ZBTB10: variants seen among roughly 807,000 people sequenced by gnomAD.
ZBTB10 encodes the protein zinc finger and BTB domain containing 10.
A neutral mutation model predicts 76.4 loss-of-function variants in ZBTB10; 32 were observed. That is an observed-to-expected ratio of 0.42 (90% CI 0.32 to 0.56). The LOEUF (loss-of-function observed/expected upper bound fraction) is 0.56, where lower values mean the gene tolerates loss of function less well. Ranked by LOEUF, ZBTB10 falls within the 20% of genes least tolerant of loss-of-function variation. The pLI is 0.14. For synonymous variants in ZBTB10, 523 were observed against 432.9 expected (o/e 1.21, Z -2.58); for missense variants, 1,057 against 1,098.5 (o/e 0.96, Z 0.53).
intron 1 of ZBTB10, among the ~76,000 whole-genome samples, chr8:80,497,370 T>G (rs905497262): frequency 6.6e-6 from 1 of 152,054 alleles, no homozygotes; most frequent in Admixed American, 6.6e-5. Context: ...TGAATGGACT[T>G]GTTTTGATTC....
intron 2 of ZBTB10, 81 bp downstream of exon 2, chr8:80,500,463 A>T: frequency 7.5e-7 from 1 of 1,328,712 alleles, no homozygotes; most frequent in South Asian, 1.8e-5. Context: ...TTTTTAATTG[A>T]ATTATTTTAG....
chr8:80,491,017 A>T (rs1022587706), intron 1 of ZBTB10, among the ~76,000 whole-genome samples: 22 of 152,198 alleles, frequency 1.4e-4, no homozygotes, highest in Non-Finnish European at 5.9e-5. Flanking sequence ...CAGCCTGACC[A>T]ACATGGTGAG....
chr8:80,487,874 C>T (rs1201728246), intron 1 of ZBTB10, 92 bp downstream of exon 1: 5 of 1,394,314 alleles, frequency 3.6e-6, no homozygotes, highest in Non-Finnish European at 4.8e-6. Flanking sequence ...GAAAAAAAAC[C>T]TCAAAACCAT....
chr8:80,522,151 G>A lies in ZBTB10; in HGVS notation c.*2623G>A, dbSNP rs1439377381. 3 of 151,556 alleles carry A rather than the reference G, an allele frequency of 2.0e-5. No homozygotes were observed. The highest frequency in any genetic ancestry group is 4.4e-5 in the Non-Finnish European group (3 of 67,746). The allele number at this position is 151,556 out of a possible 1,614,324, so 9.4% of individuals were successfully genotyped here. On this transcript the variant is annotated 3_prime_UTR_variant, in exon 6 of 6. Transcript: ENST00000455036. ...TTTAAAAAAATAGTTTTAGTACTAA[G>A]GTATACTACTGGACATTTCTATTTT...
intron 2 of ZBTB10, among the ~76,000 whole-genome samples, chr8:80,512,530 G>A (rs1383038376): frequency 1.3e-5 from 2 of 152,134 alleles, no homozygotes; most frequent in Admixed American, 6.5e-5. Flanking sequence ...GGGCAACATA[G>A]TGAGACCCTG....
Position 80,486,783 on chromosome 8 carries a change from C to G in ZBTB10, c.-28C>G, listed in dbSNP as rs1815472843. On this transcript the variant is annotated 5_prime_UTR_variant, in exon 1 of 6. Transcript: ENST00000455036. ...CCGAGGCCGTGCGCGAGCCGGGGCA[C>G]CGGGCGGCGGCGGCGGCGGCGCGCG... 9 of 1,370,874 alleles carry G rather than the reference C, an allele frequency of 6.6e-6. 1 individual carries two copies. In the East Asian group the frequency reaches 2.9e-4, roughly 44 times the overall value. The allele number at this position is 1,370,874 out of a possible 1,614,324, so 84.9% of individuals were successfully genotyped here.
Position 80,487,638 on chromosome 8 carries a change from A to G in ZBTB10, c.828A>G (p.Gln276=), listed in dbSNP as rs778696880. The G allele has an allele frequency of 8.1e-6, 13 of 1,613,906 alleles. No homozygotes were observed. The highest frequency in any genetic ancestry group is 5.5e-5 in the South Asian group (5 of 91,076). The change falls in exon 1 of 6, where the codon CAA becomes CAG. Residue 276 remains glutamine (Q), a synonymous_variant. Transcript: ENST00000455036. Reference sequence around the variant, plus strand: ...GTCTTATGTCTTGCGGCTGGTGCCAAAAGACCCCTGCAGATGGGGGAAGCG... The same window carrying G: ...GTCTTATGTCTTGCGGCTGGTGCCAGAAGACCCCTGCAGATGGGGGAAGCG... ...DTGLMSCGWC[Q]KTPADGGSVD...
Position 80,486,944 on chromosome 8 carries a change from GACAGCCCCC to G in ZBTB10, c.135_143del (p.Gln46_Pro48del). The G allele has an allele frequency of 6.6e-7, 1 of 1,514,112 alleles. No homozygotes were observed. Among genetic ancestry groups the G allele is most frequent in the Non-Finnish European group, 8.8e-7 (1 of 1,135,714 alleles). 93.8% of individuals were successfully genotyped at this position (1,514,112 alleles called of 1,614,324 possible). A position where few individuals can be genotyped will look rare whatever the true frequency, so the allele number is the denominator to read the frequency against. ...GCTTGGCCTCCGCAGCCCCAGCCGA[GACAGCCCCC>G]GCCGCCAGCGCCGCCCGCGCTTCAG... On this transcript the variant is annotated inframe_deletion, in exon 1 of 6. Coordinates refer to ENST00000455036, the MANE Select transcript of ZBTB10 (RefSeq NM_001105539.3).
rs1171572170 is a variant in ZBTB10, at chr8:80,524,187, G to A, written c.*4659G>A. On this transcript the variant is annotated 3_prime_UTR_variant, in exon 6 of 6. Coordinates refer to ENST00000455036, the MANE Select transcript of ZBTB10 (RefSeq NM_001105539.3). ...ACTTATGTATAATTCAGATATCTTT[G>A]TACTTAAGGCTTACAAGTTTGAATT... 6.6e-6 allele frequency: 1 copy of A among 151,890 alleles called. No homozygotes were observed. Among genetic ancestry groups the A allele is most frequent in the Non-Finnish European group, 1.5e-5 (1 of 67,872 alleles). 9.4% of individuals were successfully genotyped at this position (151,890 alleles called of 1,614,324 possible). A position where few individuals can be genotyped will look rare whatever the true frequency, so the allele number is the denominator to read the frequency against.
chr8:80,506,031 A>G (rs1816043454), intron 2 of ZBTB10, among the ~76,000 whole-genome samples: 1 of 151,150 alleles, frequency 6.6e-6, no homozygotes, highest in Admixed American at 6.6e-5. Flanking sequence ...CTGGGATTAC[A>G]GCCTTGAGCC....
At chr8:80,495,981 C>T (rs1424783927) in intron 1 of ZBTB10, among the ~76,000 whole-genome samples, 1 of 152,150 alleles carries the variant, frequency 6.6e-6, no homozygotes. Context: ...AGACTAATGT[C>T]TGAGCTAATT....
In ZBTB10 at chr8:80,520,780, A is replaced by G. The variant is rs561690434; in HGVS notation, c.*1252A>G. 2.5e-5 allele frequency: 3 copies of G among 122,372 alleles called. No individual in the cohort carries two copies. The East Asian group carries it at 6.2e-4, about 25-fold the overall frequency. The allele number at this position is 122,372 out of a possible 1,614,324, so 7.6% of individuals were successfully genotyped here. A position where few individuals can be genotyped will look rare whatever the true frequency, so the allele number is the denominator to read the frequency against. On this transcript the variant is annotated 3_prime_UTR_variant, in exon 6 of 6. Coordinates refer to ENST00000455036, the MANE Select transcript of ZBTB10 (RefSeq NM_001105539.3). ...AAATAAAATTCTGAGAAGCTTTATT[A>G]TTCTATAAATTCTTCAGGGTACAAA...
At chr8:80,508,581 C>A (rs1426865) in intron 2 of ZBTB10, among the ~76,000 whole-genome samples, 3,885 of 152,186 alleles carry the variant, frequency 0.026, 75 homozygotes, top group South Asian at 0.051. Flanking sequence ...AGATGCATGA[C>A]GGGGTGCAGT....
chr8:80,486,616 G>T lies in ZBTB10; in HGVS notation c.-195G>T. 9.1e-6 allele frequency: 9 copies of T among 987,720 alleles called. No individual in the cohort carries two copies. The highest frequency in any genetic ancestry group is 1.1e-5 in the Non-Finnish European group (9 of 831,738). 61.2% of individuals were successfully genotyped at this position (987,720 alleles called of 1,614,324 possible). The stretch of plus-strand genomic sequence containing the variant: ...AGGCGTCGGCCCGGCAGCGGCAGCG[G>T]CAGCGGACGCGTGCAGCAGACCCGG... On this transcript the variant is annotated 5_prime_UTR_variant, in exon 1 of 6. Transcript: ENST00000455036.
rs2131523130 is a variant in ZBTB10, at chr8:80,520,984, G to C, written c.*1456G>C. On this transcript the variant is annotated 3_prime_UTR_variant, in exon 6 of 6. Transcript: ENST00000455036. ...TTCAGCTTTCTTTTAAATAAAAATTGAGTATATTTTCCTATTTTATATCAG... is the reference window on the plus strand; with the variant it reads ...TTCAGCTTTCTTTTAAATAAAAATTCAGTATATTTTCCTATTTTATATCAG... 6.6e-6 allele frequency: 1 copy of C among 151,964 alleles called. No homozygotes were observed. The highest frequency in any genetic ancestry group is 1.5e-5 in the Non-Finnish European group (1 of 67,802). The allele number at this position is 151,964 out of a possible 1,614,324, so 9.4% of individuals were successfully genotyped here.
intron 2 of ZBTB10, among the ~76,000 whole-genome samples, chr8:80,507,848 C>T (rs1563463772): frequency 6.6e-6 from 1 of 152,190 alleles, no homozygotes; most frequent in Admixed American, 6.5e-5. Flanking sequence ...TCTCCTCCTG[C>T]CTCAGCCTCC....
rs1409623336 is a variant in ZBTB10 at position 80,486,985 on chromosome 8, A to C, written c.175A>C (p.Asn59His). 2.0e-6 allele frequency: 3 copies of C among 1,512,164 alleles called. No individual in the cohort carries two copies. The highest frequency in any genetic ancestry group is 2.6e-6 in the Non-Finnish European group (3 of 1,135,256). 93.7% of individuals were successfully genotyped at this position (1,512,164 alleles called of 1,614,324 possible). A position where few individuals can be genotyped will look rare whatever the true frequency, so the allele number is the denominator to read the frequency against. The change falls in exon 1 of 6, where the codon AAT (asparagine) becomes CAT (histidine). Residue 59 changes from asparagine to histidine, a missense_variant. Asn to His is a moderately conservative substitution (Grantham distance 68, BLOSUM62 1). Coordinates refer to ENST00000455036, the MANE Select transcript of ZBTB10 (RefSeq NM_001105539.3). Reference sequence around the variant, plus strand: ...AGCGCCGCCCGCGCTTCAGCCGCCTAATGGGCGGGGGGCCGACGAGGAAGT... The same window carrying C: ...AGCGCCGCCCGCGCTTCAGCCGCCTCATGGGCGGGGGGCCGACGAGGAAGT... Reference protein sequence around the residue: ...PPAPPALQPPNGRGADEEVEL... With the variant: ...PPAPPALQPPHGRGADEEVEL...
chr8:80,493,574 C>T (rs1410146827), intron 1 of ZBTB10, among the ~76,000 whole-genome samples: 5 of 150,590 alleles, frequency 3.3e-5, no homozygotes, highest in Admixed American at 1.3e-4. Flanking sequence ...CCCAGCACTT[C>T]GGGAGGCCGA....
intron 1 of ZBTB10, among the ~76,000 whole-genome samples, chr8:80,499,101 A>C (rs556073824): frequency 6.6e-6 from 1 of 152,202 alleles, no homozygotes; most frequent in Non-Finnish European, 1.5e-5. Context: ...TTTAAGTTCA[A>C]TCGGGGGAGA....
Sources: allele counts gnomAD v4.1 joint callset (sites outside exome capture counted in the v4.1 genomes callset), GRCh38; gene constraint gnomAD v4.1.1; transcripts MANE v1.5; gene names NCBI Gene and HGNC (gene_info 2026-07-23, HGNC 2026-07-21).